The following UBE2D3 variants were observed in gnomAD, a reference collection of about 807,000 sequenced individuals.
The protein encoded by UBE2D3 is ubiquitin conjugating enzyme E2 D3.
Under a neutral mutation model 22.8 loss-of-function variants are expected in UBE2D3, and 2 were observed. The ratio of observed to expected loss-of-function variants is 0.09; its 90% CI spans 0.04 to 0.28. The LOEUF is 0.28. Ranked by LOEUF, UBE2D3 falls within the 10% of genes least tolerant of loss-of-function variation. The pLI, the probability that UBE2D3 is intolerant of heterozygous loss-of-function variation, is 1.00. For synonymous variants in UBE2D3, 56 were observed against 60.4 expected (o/e 0.93, Z 0.34); for missense variants, 27 against 182.5 (o/e 0.15, Z 4.91).
chr4:102,802,158 T>TC (rs1726251497), intron 5 of UBE2D3: 2 of 156,912 alleles, frequency 1.3e-5, no homozygotes, highest in African/African-American at 4.8e-5. Flanking sequence ...ACTAAGCAAC[T>TC]CTAAGTTTTC....
intron 4 of UBE2D3, among the ~76,000 whole-genome samples, chr4:102,803,954 A>G (rs1726604698): frequency 6.6e-6 from 1 of 152,038 alleles, no homozygotes; most frequent in South Asian, 2.1e-4. Flanking sequence ...TTTTTAGTAG[A>G]GACTGAGTTT....
At chr4:102,855,990 G>A (rs1021662757) in intron 1 of UBE2D3, among the ~76,000 whole-genome samples, 4 of 152,140 alleles carry the variant, frequency 2.6e-5, no homozygotes, top group Non-Finnish European at 4.4e-5. Flanking sequence ...GCAGGGTTGC[G>A]GTGAGGCTGG....
At chr4:102,827,951 C>G, upstream of UBE2D3, 3 of 985,546 alleles carry the variant, frequency 3.0e-6, no homozygotes, top group Non-Finnish European at 3.6e-6. Flanking sequence ...CACTTGGTAT[C>G]GAGGAGACGA....
chr4:102,802,421 G>T, intron 5 of UBE2D3, 140 bp downstream of exon 5: 1 of 577,276 alleles, frequency 1.7e-6, no homozygotes, highest in Non-Finnish European at 2.8e-6. Flanking sequence ...TTAAACCAAA[G>T]GTTAAGAGTC....
At chr4:102,850,312 C>T (rs1432081262) in intron 1 of UBE2D3, among the ~76,000 whole-genome samples, 1 of 151,698 alleles carries the variant, frequency 6.6e-6, no homozygotes, top group Non-Finnish European at 1.5e-5. Context: ...GATACAGGGA[C>T]ACTCTGTGAT....
intron 1 of UBE2D3, chr4:102,837,232 T>G (rs1731459217): frequency 6.6e-6 from 1 of 152,198 alleles, no homozygotes; most frequent in African/African-American, 2.4e-5. Context: ...AAGGGTCAAT[T>G]TAAAAATTGT....
intron 1 of UBE2D3, among the ~76,000 whole-genome samples, chr4:102,836,166 T>TAA (rs1400378283): frequency 7.6e-6 from 1 of 131,952 alleles, no homozygotes; most frequent in Non-Finnish European, 1.6e-5. Flanking sequence ...TTTTTTTTTG[T>TAA]GACTGAGTCT....
chr4:102,826,102 T>G (rs1344462671), intron 2 of UBE2D3, among the ~76,000 whole-genome samples: 5 of 152,014 alleles, frequency 3.3e-5, no homozygotes. Context: ...ACAACTAAAC[T>G]AAGTTTTCAA....
In UBE2D3 at chr4:102,801,440, C is replaced by G. The variant is rs1438832821; in HGVS notation, c.304+14G>C. The G allele has an allele frequency of 1.3e-6, 2 of 1,581,562 alleles. No homozygotes were observed. Among genetic ancestry groups the G allele is most frequent in the Non-Finnish European group, 1.7e-6 (2 of 1,153,932 alleles). On this transcript the variant is annotated intron_variant, in intron 6 of 7. Transcript: ENST00000453744. ...TAGACAATGAGAACAGCTTATTTCACTAGAAATATTTACCTTTAGAAATTG... is the reference window on the plus strand; with the variant it reads ...TAGACAATGAGAACAGCTTATTTCAGTAGAAATATTTACCTTTAGAAATTG...
At chr4:102,865,212 G>A (rs1205370223) in intron 1 of UBE2D3, among the ~76,000 whole-genome samples, 3 of 152,000 alleles carry the variant, frequency 2.0e-5, no homozygotes, top group South Asian at 4.1e-4. Context: ...AGACATACAC[G>A]GCCAGGCACG....
chr4:102,828,146 A>T (rs905200615), upstream of UBE2D3: 1 of 985,364 alleles, frequency 1.0e-6, no homozygotes, highest in Non-Finnish European at 1.2e-6. Flanking sequence ...CTGAATGCTT[A>T]TGCCGGTGGT....
At chr4:102,864,850 AAGAGAATAAGC>A (rs765866873) in intron 1 of UBE2D3, among the ~76,000 whole-genome samples, 7 of 152,230 alleles carry the variant, frequency 4.6e-5, no homozygotes, top group Non-Finnish European at 1.0e-4. Context: ...ACAGCAATGG[AAGAGAATAAGC>A]AACCCAGGAT....
rs993700713 is a variant in UBE2D3 at position 102,795,908 on chromosome 4, T to A, written c.*1507A>T. ...GATCAGAATTAGGAAAGGTGAAGAATGGTAATGCCCTTGTTACTACAGAAG... is the reference window on the plus strand; with the variant it reads ...GATCAGAATTAGGAAAGGTGAAGAAAGGTAATGCCCTTGTTACTACAGAAG... On this transcript the variant is annotated 3_prime_UTR_variant, in exon 8 of 8. Transcript: ENST00000453744. 1 of 152,450 alleles carries A rather than the reference T, an allele frequency of 6.6e-6. No homozygotes were observed. The highest frequency in any genetic ancestry group is 2.4e-5 in the African/African-American group (1 of 41,440). The allele number at this position is 152,450 out of a possible 1,614,324, so 9.4% of individuals were successfully genotyped here. A position where few individuals can be genotyped will look rare whatever the true frequency, so the allele number is the denominator to read the frequency against.
At chr4:102,831,336 G>A (rs972545133), upstream of UBE2D3, among the ~76,000 whole-genome samples, 2 of 152,152 alleles carry the variant, frequency 1.3e-5, no homozygotes, top group African/African-American at 4.8e-5. Context: ...TTAAGAAAGT[G>A]TACTTTATTT....
intron 1 of UBE2D3, among the ~76,000 whole-genome samples, chr4:102,865,390 G>A (rs111586677): frequency 0.012 from 1,795 of 151,762 alleles, 22 homozygotes; most frequent in African/African-American, 0.036. Context: ...TACATGGAAG[G>A]CTGAGGCAGG....
chr4:102,800,730 A>G (rs1726025087), intron 6 of UBE2D3, among the ~76,000 whole-genome samples: 1 of 152,076 alleles, frequency 6.6e-6, no homozygotes, highest in South Asian at 2.1e-4. Context: ...ATGAGATTCA[A>G]GTGCAGTATA....
intron 1 of UBE2D3, among the ~76,000 whole-genome samples, chr4:102,855,887 A>G (rs572368966): frequency 6.6e-6 from 1 of 152,370 alleles, no homozygotes; most frequent in African/African-American, 2.4e-5. Flanking sequence ...GGTAATATTT[A>G]CTACCAAAAC....
chr4:102,803,260 G>C (rs938709958), intron 4 of UBE2D3, among the ~76,000 whole-genome samples: 4 of 152,164 alleles, frequency 2.6e-5, no homozygotes, highest in Non-Finnish European at 5.9e-5. Context: ...GTCTTTTGAA[G>C]ACCACTTAAT....
chr4:102,862,147 C>T (rs1732928714), intron 1 of UBE2D3, among the ~76,000 whole-genome samples: 1 of 151,906 alleles, frequency 6.6e-6, no homozygotes, highest in African/African-American at 2.4e-5. Context: ...AGTTTTGTTT[C>T]TTTAGTTTTC....
Sources: allele counts gnomAD v4.1 joint callset (sites outside exome capture counted in the v4.1 genomes callset), GRCh38; gene constraint gnomAD v4.1.1; transcripts MANE v1.5; gene names NCBI Gene and HGNC (gene_info 2026-07-23, HGNC 2026-07-21).